PATJ: variants seen among roughly 807,000 people sequenced by gnomAD.
The protein encoded by PATJ is PATJ crumbs cell polarity complex component.
In PATJ, 190 loss-of-function variants were observed where a neutral mutation model predicts 224.9. The ratio of observed to expected loss-of-function variants is 0.84; its 90% CI spans 0.75 to 0.95. PATJ has a LOEUF of 0.95. Among genes scored for constraint, PATJ ranks in the 40% least tolerant of loss-of-function variants. The pLI is 0.00. For synonymous variants in PATJ, 769 were observed against 820.3 expected, an observed-to-expected ratio of 0.94 and a Z score of 1.07; for missense variants, 2,121 against 2,270.3, an observed-to-expected ratio of 0.93 and a Z score of 1.34.
chr1:61,899,655 G>A lies in PATJ; in HGVS notation c.3203+1G>A. 6.3e-7 allele frequency: 1 copy of A among 1,599,480 alleles called. No individual in the cohort carries two copies. Among genetic ancestry groups the A allele is most frequent in the East Asian group, 2.2e-5 (1 of 44,718 alleles). ...TTAGCCACTGGGGTCCACCGAGAAT[G>A]TATGTGGATGACATTATTGTGGCTT... is the stretch of plus-strand genomic sequence containing the variant. On this transcript the variant is annotated splice_donor_variant, in intron 23 of 43. Transcript: ENST00000642238. LOFTEE classifies it high-confidence loss of function.
intron 31 of PATJ, among the ~76,000 whole-genome samples, chr1:62,077,574 C>T (rs965051135): frequency 2.0e-5 from 3 of 150,824 alleles, no homozygotes; most frequent in African/African-American, 7.3e-5. Context: ...CCTGTAATCC[C>T]AGGTATTCAG....
At chr1:61,800,219 A>C (rs1192881903) in intron 11 of PATJ, among the ~76,000 whole-genome samples, 2 of 152,218 alleles carry the variant, frequency 1.3e-5, no homozygotes, top group African/African-American at 2.4e-5. Flanking sequence ...CCCCACCAAC[A>C]GTGTATAAGT....
intron 41 of PATJ, among the ~76,000 whole-genome samples, chr1:62,135,864 G>A (rs936606936): frequency 3.9e-5 from 6 of 152,120 alleles, no homozygotes; most frequent in African/African-American, 1.4e-4. Context: ...TGAAGTTAGA[G>A]GATACTAAAA....
At chr1:61,871,558 T>TATA (rs1491327906) in intron 20 of PATJ, among the ~76,000 whole-genome samples, 13 of 12,510 alleles carry the variant, frequency 1.0e-3, no homozygotes, top group African/African-American at 2.7e-3. Flanking sequence ...TATATATATA[T>TATA]TTTTTTTTTT....
At chr1:61,959,500 T>G (rs1680963616) in intron 27 of PATJ, among the ~76,000 whole-genome samples, 1 of 146,324 alleles carries the variant, frequency 6.8e-6, no homozygotes, top group South Asian at 2.2e-4. Flanking sequence ...AGTGGCACAA[T>G]CATGGCTCAC....
intron 28 of PATJ, among the ~76,000 whole-genome samples, chr1:61,997,982 T>TTATATA (rs1553236113): frequency 0.12 from 14,342 of 117,946 alleles, 1,189 homozygotes; most frequent in Non-Finnish European, 0.16. Flanking sequence ...TGTGCCCAGC[T>TTATATA]TATATATGTA....
chr1:62,103,106 G>A (rs115185328), intron 33 of PATJ, among the ~76,000 whole-genome samples: 83 of 152,202 alleles, frequency 5.5e-4, no homozygotes, highest in African/African-American at 1.9e-3. Flanking sequence ...TTTCTGCTGT[G>A]GAGTTGAGGT....
intron 20 of PATJ, 101 bp from the exon 21 acceptor site, chr1:61,875,142 G>A (rs377382666): frequency 2.8e-5 from 19 of 672,314 alleles, no homozygotes; most frequent in Middle Eastern, 3.7e-4. Flanking sequence ...CTGTTTGCAA[G>A]GCCAGTTTTC....
chr1:61,830,743 T>A (rs1245576611), intron 16 of PATJ, among the ~76,000 whole-genome samples: 1 of 152,198 alleles, frequency 6.6e-6, no homozygotes, highest in African/African-American at 2.4e-5. Flanking sequence ...TACAAGCATC[T>A]GTTGTTTAAC....
intron 27 of PATJ, among the ~76,000 whole-genome samples, chr1:61,965,847 C>T (rs2149444266): frequency 6.6e-6 from 1 of 152,258 alleles, no homozygotes; most frequent in East Asian, 1.9e-4. Flanking sequence ...GATCCAGGTT[C>T]CACAGGAACA....
At chr1:61,750,877 T>C (rs1645285056) in intron 1 of PATJ, among the ~76,000 whole-genome samples, 1 of 152,216 alleles carries the variant, frequency 6.6e-6, no homozygotes, top group African/African-American at 2.4e-5. Context: ...AGTTATCTAC[T>C]GAAAGGTCAC....
At chr1:61,951,093 C>A (rs1338858918) in intron 27 of PATJ, among the ~76,000 whole-genome samples, 1 of 151,726 alleles carries the variant, frequency 6.6e-6, no homozygotes, top group Non-Finnish European at 1.5e-5. Flanking sequence ...TGCAGTAAGC[C>A]AAGGTCGCGC....
intron 27 of PATJ, among the ~76,000 whole-genome samples, chr1:61,929,736 A>G (rs1405332164): frequency 6.6e-6 from 1 of 152,206 alleles, no homozygotes; most frequent in Non-Finnish European, 1.5e-5. Context: ...AGAAATAGGT[A>G]CAGCTGGGCA....
At chr1:62,084,457 G>C in intron 32 of PATJ, 58 bp from the exon 33 acceptor site, 1 of 1,558,180 alleles carries the variant, frequency 6.4e-7, no homozygotes, top group Non-Finnish European at 8.7e-7. Flanking sequence ...GTGATGGAAC[G>C]TGCAGGCTGA....
intron 20 of PATJ, among the ~76,000 whole-genome samples, chr1:61,868,904 T>G (rs1665822897): frequency 6.6e-6 from 1 of 152,004 alleles, no homozygotes; most frequent in African/African-American, 2.4e-5. Flanking sequence ...CATAAGGCAT[T>G]AACAGGAGAA....
At chr1:61,951,881 CCTTTT>C (rs1391734569) in intron 27 of PATJ, among the ~76,000 whole-genome samples, 1 of 152,086 alleles carries the variant, frequency 6.6e-6, no homozygotes, top group Non-Finnish European at 1.5e-5. Context: ...ACTGCTGTTT[CCTTTT>C]AATTTGCATT....
At chr1:61,979,733 A>G (rs1333676782) in intron 27 of PATJ, among the ~76,000 whole-genome samples, 1 of 152,066 alleles carries the variant, frequency 6.6e-6, no homozygotes, top group Non-Finnish European at 1.5e-5. Flanking sequence ...TAAGGAAATG[A>G]AGTCCCAAGG....
intron 31 of PATJ, among the ~76,000 whole-genome samples, chr1:62,055,719 A>G (rs1400662160): frequency 1.3e-5 from 2 of 152,212 alleles, no homozygotes; most frequent in Non-Finnish European, 1.5e-5. Flanking sequence ...GAAAAATTGA[A>G]GTGACTTTTT....
At chr1:61,924,454 A>T (rs1158218764) in intron 26 of PATJ, among the ~76,000 whole-genome samples, 1 of 152,346 alleles carries the variant, frequency 6.6e-6, no homozygotes, top group African/African-American at 2.4e-5. Flanking sequence ...GTTATTTCAC[A>T]TATTCTCTTT....
Sources: allele counts gnomAD v4.1 joint callset (sites outside exome capture counted in the v4.1 genomes callset), GRCh38; gene constraint gnomAD v4.1.1; transcripts MANE v1.5; gene names NCBI Gene and HGNC (gene_info 2026-07-23, HGNC 2026-07-21).